Variants in ABLIM2 observed in about 807,000 individuals in gnomAD.
The protein encoded by ABLIM2 is actin binding LIM protein family member 2.
A neutral mutation model predicts 97.7 loss-of-function variants in ABLIM2; 53 were observed. The ratio of observed to expected loss-of-function variants is 0.54; its 90% CI spans 0.44 to 0.68. The LOEUF (loss-of-function observed/expected upper bound fraction) is 0.68, where lower values mean the gene tolerates loss of function less well. ABLIM2 is among the 30% of genes least tolerant of loss of function. ABLIM2 has a pLI of 0.00. For missense variants in ABLIM2, 835 were observed against 867.2 expected (o/e 0.96, Z 0.47); for synonymous variants, 361 against 345.8 (o/e 1.04, Z -0.49).
In ABLIM2 at chr4:8,122,250, G is replaced by A. The variant is rs893340662; in HGVS notation, c.11-15613C>T. ...CTGTGCATCTCCATCATATCCGAAT[G>A]GCCTGGTAAGGATGGCCACAGAGAG... is the stretch of plus-strand genomic sequence containing the variant. On this transcript the variant is annotated intron_variant, in intron 1 of 20. Transcript: ENST00000447017. The surrounding 1 kb of genome is among the most constrained non-coding windows in gnomAD (Gnocchi z 4.1). Among the ~76,000 whole-genome samples, 1 of 152,160 alleles carries A rather than the reference G, an allele frequency of 6.6e-6. No individual in the cohort carries two copies. The highest frequency in any genetic ancestry group is 2.4e-5 in the African/African-American group (1 of 41,432).
In ABLIM2 at chr4:8,140,909, G is replaced by A. The variant is rs35098778; in HGVS notation, c.10+17771C>T. 0.26 allele frequency among the ~76,000 whole-genome samples: 38,953 copies of A among 152,018 alleles called. 6,462 individuals carry two copies. The highest frequency in any genetic ancestry group is 0.48 in the African/African-American group (19,710 of 41,424). On this transcript the variant is annotated intron_variant, in intron 1 of 20. Transcript: ENST00000447017. This position sits in a 1 kb window ranked among gnomAD's most constrained non-coding sequence, Gnocchi z 5.9. ...CAGAGGAGGCCTGGGTGGTGTGAAC[G>A]GTGTTTTTCTAGAACTCCTTACTCA... is the stretch of plus-strand genomic sequence containing the variant.
chr4:8,121,850 C>T (rs1169819645), intron 1 of ABLIM2, among the ~76,000 whole-genome samples: 1 of 152,154 alleles, frequency 6.6e-6, no homozygotes, highest in Non-Finnish European at 1.5e-5. Context: ...GTTCCTGTGT[C>T]CAGGCAAACA....
Position 8,009,731 on chromosome 4 carries a change from T to C in ABLIM2, c.1424-629A>G, listed in dbSNP as rs369261484. On this transcript the variant is annotated intron_variant, in intron 14 of 20. Transcript: ENST00000447017. The stretch of plus-strand genomic sequence containing the variant: ...TTTGAGAACAAGCATTTTAAAAACC[T>C]CCCACGTAACACAAGGTCTCAGTCG... Among the ~76,000 whole-genome samples, 15 of 152,284 alleles carry C rather than the reference T, an allele frequency of 9.9e-5. 1 individual carries two copies. In the East Asian group the frequency reaches 2.5e-3, roughly 25 times the overall value.
At chr4:7,975,005 G>A (rs1731796146) in intron 20 of ABLIM2, among the ~76,000 whole-genome samples, 1 of 152,184 alleles carries the variant, frequency 6.6e-6, no homozygotes, top group Non-Finnish European at 1.5e-5. Flanking sequence ...GATCACTTGA[G>A]CCCAGGAATT....
intron 8 of ABLIM2, among the ~76,000 whole-genome samples, chr4:8,048,642 C>A (rs540532412): frequency 6.6e-6 from 1 of 152,218 alleles, no homozygotes; most frequent in Non-Finnish European, 1.5e-5. Context: ...AACGGCCCCG[C>A]GTTTGGTCTC....
chr4:8,002,805 GC>G lies in ABLIM2; in HGVS notation c.1618+5253del, dbSNP rs1408305682. 6.6e-6 allele frequency among the ~76,000 whole-genome samples: 1 copy of G among 152,102 alleles called. No homozygotes were observed. The highest frequency in any genetic ancestry group is 6.5e-5 in the Admixed American group (1 of 15,270). ...CACTGTTCTTCCAACCCACGGCCCG[GC>G]CTCCGCCCTGGGTGATGCGGAATGC... is the stretch of plus-strand genomic sequence containing the variant. On this transcript the variant is annotated intron_variant, in intron 16 of 20. Coordinates refer to ENST00000447017, the MANE Select transcript of ABLIM2 (RefSeq NM_001130083.2). The surrounding 1 kb of genome is among the most constrained non-coding windows in gnomAD (Gnocchi z 6.1).
intron 2 of ABLIM2, among the ~76,000 whole-genome samples, chr4:8,098,042 C>A (rs543469033): frequency 1.3e-5 from 2 of 152,330 alleles, no homozygotes; most frequent in Non-Finnish European, 2.9e-5. Context: ...CTGGTCACCA[C>A]CAGCTCAGAG....
chr4:8,128,240 T>C lies in ABLIM2; in HGVS notation c.11-21603A>G, dbSNP rs1848755749. 6.6e-6 allele frequency among the ~76,000 whole-genome samples: 1 copy of C among 152,170 alleles called. No homozygotes were observed. Among genetic ancestry groups the C allele is most frequent in the Non-Finnish European group, 1.5e-5 (1 of 68,028 alleles). On this transcript the variant is annotated intron_variant, in intron 1 of 20. Coordinates refer to ENST00000447017, the MANE Select transcript of ABLIM2 (RefSeq NM_001130083.2). The surrounding 1 kb of genome is among the most constrained non-coding windows in gnomAD (Gnocchi z 4.9). ...TTATGAGGACACCAGTCACTGCATT[T>C]GGGGTCCGCCCTCATCCACAATGAC...
chr4:7,993,230 G>A (rs952686130), intron 16 of ABLIM2, among the ~76,000 whole-genome samples: 2 of 152,240 alleles, frequency 1.3e-5, no homozygotes, highest in Admixed American at 6.5e-5. Context: ...TGGCACCTGG[G>A]CCAAGCCCCT....
chr4:8,155,339 C>G lies in ABLIM2; in HGVS notation c.10+3341G>C, dbSNP rs1714954994. On this transcript the variant is annotated intron_variant, in intron 1 of 20. Transcript: ENST00000447017. This position sits in a 1 kb window ranked among gnomAD's most constrained non-coding sequence, Gnocchi z 4.2. ...GTGTCTCTGTTCCAAATACTAGGATCTGCACCGTCCACAGTCTGGGGACTA... is the reference window on the plus strand; with the variant it reads ...GTGTCTCTGTTCCAAATACTAGGATGTGCACCGTCCACAGTCTGGGGACTA... 6.6e-6 allele frequency among the ~76,000 whole-genome samples: 1 copy of G among 152,220 alleles called. No homozygotes were observed. Among genetic ancestry groups the G allele is most frequent in the South Asian group, 2.1e-4 (1 of 4,832 alleles).
intron 20 of ABLIM2, among the ~76,000 whole-genome samples, chr4:7,968,661 TCG>T (rs574816585): frequency 6.6e-6 from 1 of 152,118 alleles, no homozygotes; most frequent in South Asian, 2.1e-4. Flanking sequence ...GGATTCGTGG[TCG>T]CCAGGGACTG....
At chr4:8,141,843 T>C (rs1219794766) in intron 1 of ABLIM2, among the ~76,000 whole-genome samples, 1 of 152,246 alleles carries the variant, frequency 6.6e-6, no homozygotes, top group Non-Finnish European at 1.5e-5. Flanking sequence ...AAATTTCATA[T>C]GTCCACCTGG....
rs886812349 is a variant in ABLIM2, at chr4:8,015,440, G to A, written c.1423+4178C>T. 1.5e-4 allele frequency among the ~76,000 whole-genome samples: 23 copies of A among 152,144 alleles called. No homozygotes were observed. In the East Asian group the frequency reaches 1.7e-3, roughly 12 times the overall value. On this transcript the variant is annotated intron_variant, in intron 14 of 20. Coordinates refer to ENST00000447017, the MANE Select transcript of ABLIM2 (RefSeq NM_001130083.2). This position sits in a 1 kb window ranked among gnomAD's most constrained non-coding sequence, Gnocchi z 4.6. ...ATCCGCACTCTGGACACAGCCTGCC[G>A]TTCCTCCCCATCCCGCCGGTCCCCA...
rs1464084798 is a variant in ABLIM2, at chr4:8,120,435, C to T, written c.11-13798G>A. 3.9e-5 allele frequency among the ~76,000 whole-genome samples: 6 copies of T among 152,292 alleles called. No homozygotes were observed. The highest frequency in any genetic ancestry group is 1.9e-4 in the East Asian group (1 of 5,180). ...ACAGAGACAACCCCAGACAATCCCC[C>T]GTCTGTGTGTTTTGTCGTGGCAGCA... is the stretch of plus-strand genomic sequence containing the variant. On this transcript the variant is annotated intron_variant, in intron 1 of 20. Transcript: ENST00000447017. The surrounding 1 kb of genome is among the most constrained non-coding windows in gnomAD (Gnocchi z 5.6).
At chr4:8,025,250 G>A (rs1355972651) in intron 12 of ABLIM2, among the ~76,000 whole-genome samples, 1 of 152,230 alleles carries the variant, frequency 6.6e-6, no homozygotes, top group Admixed American at 6.5e-5. Context: ...TGAACGAAGG[G>A]CACTGGCAGG....
intron 1 of ABLIM2, among the ~76,000 whole-genome samples, chr4:8,137,297 C>T (rs575052698): frequency 6.6e-6 from 1 of 152,348 alleles, no homozygotes; most frequent in African/African-American, 2.4e-5. Flanking sequence ...ACAGTCCCTG[C>T]TCTGGGAGTC....
At position 8,043,029 on chromosome 4, in the gene ABLIM2, T is replaced by C. The variant is rs1789764230; in HGVS notation, c.900+2135A>G. 6.6e-6 allele frequency among the ~76,000 whole-genome samples: 1 copy of C among 151,658 alleles called. No homozygotes were observed. Among genetic ancestry groups the C allele is most frequent in the Non-Finnish European group, 1.5e-5 (1 of 67,940 alleles). ...AGCCAGGTGTGATGGTGCATGCCTG[T>C]AGTCCCAGCTACTCGGGATGCTGAG... On this transcript the variant is annotated intron_variant, in intron 9 of 20. Coordinates refer to ENST00000447017, the MANE Select transcript of ABLIM2 (RefSeq NM_001130083.2). The surrounding 1 kb of genome is among the most constrained non-coding windows in gnomAD (Gnocchi z 4.8).
Position 8,004,447 on chromosome 4 carries a change from G to A in ABLIM2, c.1618+3612C>T, listed in dbSNP as rs1215146889. 6.6e-6 allele frequency among the ~76,000 whole-genome samples: 1 copy of A among 152,192 alleles called. No individual in the cohort carries two copies. Among genetic ancestry groups the A allele is most frequent in the Non-Finnish European group, 1.5e-5 (1 of 68,042 alleles). ...ACATGCCTCATGTGCTGGGATTGGA[G>A]GAAAGGGTCTTATTCCCTTCGGAAG... On this transcript the variant is annotated intron_variant, in intron 16 of 20. Transcript: ENST00000447017. This position sits in a 1 kb window ranked among gnomAD's most constrained non-coding sequence, Gnocchi z 5.9.
rs1013337040 is a variant in ABLIM2, at chr4:8,122,328, A to C, written c.11-15691T>G. 7.2e-5 allele frequency among the ~76,000 whole-genome samples: 11 copies of C among 152,032 alleles called. No homozygotes were observed. Among genetic ancestry groups the C allele is most frequent in the Non-Finnish European group, 1.5e-5 (1 of 68,002 alleles). ...GCTCCCATCCTCCATTTCCCAGGGGACACCCTCTGTCCTGGTCCATGTGGG... is the reference window on the plus strand; with the variant it reads ...GCTCCCATCCTCCATTTCCCAGGGGCCACCCTCTGTCCTGGTCCATGTGGG... On this transcript the variant is annotated intron_variant, in intron 1 of 20. Coordinates refer to ENST00000447017, the MANE Select transcript of ABLIM2 (RefSeq NM_001130083.2). This position sits in a 1 kb window ranked among gnomAD's most constrained non-coding sequence, Gnocchi z 4.1.
Sources: gnomAD v4.1 joint callset for allele counts (sites outside exome capture counted in the v4.1 genomes callset) on GRCh38, gnomAD v4.1.1 for gene constraint, Gnocchi (gnomAD v3.1) non-coding constraint, MANE v1.5 for transcripts, NCBI Gene and HGNC (gene_info 2026-07-23, HGNC 2026-07-21) for gene names.